NALCN: variants seen among roughly 807,000 people sequenced by gnomAD.
NALCN encodes sodium leak channel, non-selective.
In NALCN, 111 loss-of-function variants were observed where a neutral mutation model predicts 225.3. That is an observed-to-expected ratio of 0.49 (90% confidence interval 0.42 to 0.58). NALCN has a LOEUF of 0.58. NALCN is among the 20% of genes least tolerant of loss of function. The probability of loss-of-function intolerance (pLI) is 0.00; values close to 1 mark genes in which losing one functional copy is unlikely to be tolerated. For missense variants in NALCN, 1,378 were observed against 2,202.4 expected (o/e 0.63, Z 7.49); for synonymous variants, 764 against 769.0 (o/e 0.99, Z 0.11).
In NALCN at chr13:101,292,139, A is replaced by T. The variant is rs371142825; in HGVS notation, c.943-45T>A. The T allele has an allele frequency of 6.2e-7, 1 of 1,612,780 alleles. No homozygotes were observed. The highest frequency in any genetic ancestry group is 1.1e-5 in the South Asian group (1 of 90,944). ...ACATTTACCAAAGTCTAAGAATGAC[A>T]AAGCAGAGGGCAACCAAAACCAAAC... On this transcript the variant is annotated intron_variant, in intron 8 of 43. Transcript: ENST00000251127. The surrounding 1 kb of genome is among the most constrained non-coding windows in gnomAD (Gnocchi z 4.3).
intron 10 of NALCN, among the ~76,000 whole-genome samples, chr13:101,278,219 T>C (rs564901647): frequency 6.6e-6 from 1 of 152,280 alleles, no homozygotes; most frequent in South Asian, 2.1e-4. Context: ...TGTTTTCTCA[T>C]TAACATACAA....
chr13:101,149,750 G>A (rs992899127), intron 15 of NALCN, among the ~76,000 whole-genome samples: 8 of 152,136 alleles, frequency 5.3e-5, no homozygotes, highest in African/African-American at 1.9e-4. Context: ...TGAGTATTTT[G>A]AATCTCATGG....
intron 13 of NALCN, among the ~76,000 whole-genome samples, chr13:101,228,623 C>T (rs1437458461): frequency 6.6e-6 from 1 of 152,170 alleles, no homozygotes; most frequent in Non-Finnish European, 1.5e-5. Context: ...ACTGTGAGGC[C>T]TCTCCAGCCA....
At chr13:101,296,949 C>T (rs2043778394) in intron 7 of NALCN, among the ~76,000 whole-genome samples, 1 of 152,172 alleles carries the variant, frequency 6.6e-6, no homozygotes, top group Admixed American at 6.5e-5. Flanking sequence ...CTACACACTG[C>T]CTGTATTGAG....
intron 42 of NALCN, chr13:101,058,721 C>T (rs371859443): frequency 6.7e-6 from 1 of 148,420 alleles, no homozygotes; most frequent in Non-Finnish European, 1.5e-5. Context: ...ACAGAGGGCT[C>T]TGAAATCATC....
At chr13:101,075,453 C>CAA (rs72275676) in intron 35 of NALCN, among the ~76,000 whole-genome samples, 8 of 103,588 alleles carry the variant, frequency 7.7e-5, no homozygotes, top group East Asian at 3.1e-4. Context: ...GACTCCATCT[C>CAA]AAAAAAAAAA....
rs78312347 is a variant in NALCN at position 101,067,903 on chromosome 13, A to G, written c.4446+15T>C. The G allele has an allele frequency of 9.9e-4, 1,534 of 1,556,642 alleles. 15 individuals are homozygous for G. The African/African-American group carries it at 0.018, about 19-fold the overall frequency. ...TCTTTGAGGTGAGGCATGAAACAACAACCCACTCCCATACCTCTCTTTTAT... is the reference window on the plus strand; with the variant it reads ...TCTTTGAGGTGAGGCATGAAACAACGACCCACTCCCATACCTCTCTTTTAT... On this transcript the variant is annotated intron_variant, in intron 39 of 43. Transcript: ENST00000251127.
chr13:101,152,266 GGT>G (rs2037688282), intron 15 of NALCN, among the ~76,000 whole-genome samples: 1 of 152,120 alleles, frequency 6.6e-6, no homozygotes, highest in South Asian at 2.1e-4. Context: ...TATCCTGGCT[GGT>G]TACTCATTCG....
chr13:101,161,495 T>G (rs913116413), intron 15 of NALCN, among the ~76,000 whole-genome samples: 2 of 152,212 alleles, frequency 1.3e-5, no homozygotes, highest in African/African-American at 4.8e-5. Context: ...CCCTCTTGAT[T>G]TTATTTTCCA....
intron 18 of NALCN, among the ~76,000 whole-genome samples, chr13:101,123,888 A>G (rs1321189431): frequency 1.3e-5 from 2 of 152,212 alleles, no homozygotes; most frequent in Non-Finnish European, 2.9e-5. Context: ...CACTCACCGC[A>G]GGTTTGCAGG....
chr13:101,118,979 T>C (rs2035845501), intron 18 of NALCN, among the ~76,000 whole-genome samples: 1 of 152,188 alleles, frequency 6.6e-6, no homozygotes, highest in Admixed American at 6.5e-5. Flanking sequence ...TAATATGACC[T>C]TATCCAAAGT....
intron 31 of NALCN, 54 bp downstream of exon 31, chr13:101,083,657 G>C (rs1239189285): frequency 1.3e-5 from 20 of 1,530,846 alleles, no homozygotes; most frequent in Non-Finnish European, 1.8e-5. Flanking sequence ...GAGACTCCTG[G>C]GGAATCGTGC....
chr13:101,199,886 G>A (rs978651814), intron 13 of NALCN, among the ~76,000 whole-genome samples: 1 of 152,080 alleles, frequency 6.6e-6, no homozygotes, highest in Non-Finnish European at 1.5e-5. Flanking sequence ...GTCACCAAAA[G>A]AGCCAGAGCA....
intron 7 of NALCN, among the ~76,000 whole-genome samples, chr13:101,309,698 A>G (rs1057005558): frequency 2.0e-5 from 3 of 152,216 alleles, no homozygotes; most frequent in Non-Finnish European, 4.4e-5. Flanking sequence ...CATCTCAGCC[A>G]TTGTTGACTT....
intron 3 of NALCN, among the ~76,000 whole-genome samples, chr13:101,386,948 G>A (rs902022699): frequency 3.3e-5 from 5 of 152,180 alleles, no homozygotes; most frequent in Non-Finnish European, 5.9e-5. Flanking sequence ...TTGGCCAGGC[G>A]CGGTGGCTCA....
In NALCN at chr13:101,292,662, G is replaced by GTA. The variant is rs1360122431; in HGVS notation, c.800-298_800-297dup. 3.3e-5 allele frequency among the ~76,000 whole-genome samples: 5 copies of GTA among 152,220 alleles called. No homozygotes were observed. The South Asian group carries it at 1.0e-3, about 32-fold the overall frequency. On this transcript the variant is annotated intron_variant, in intron 7 of 43. Transcript: ENST00000251127. This position sits in a 1 kb window ranked among gnomAD's most constrained non-coding sequence, Gnocchi z 4.3. ...AAAAGGAAATAAACAGTCAAACCAA[G>GTA]TATATATATGTATAATTAAAAAAAG...
rs756540225 is a variant in NALCN, at chr13:101,089,640, G to C, written c.3489+23C>G. ...TGGCTAGAAAAGGCTAAACCCTGTG[G>C]TATCCAAACCAAAAATCCTTACCTT... is the stretch of plus-strand genomic sequence containing the variant. On this transcript the variant is annotated intron_variant, in intron 30 of 43. Coordinates refer to ENST00000251127, the MANE Select transcript of NALCN (RefSeq NM_052867.4). This position sits in a 1 kb window ranked among gnomAD's most constrained non-coding sequence, Gnocchi z 4.7. 6.2e-7 allele frequency: 1 copy of C among 1,605,806 alleles called. No individual in the cohort carries two copies. The highest frequency in any genetic ancestry group is 8.5e-7 in the Non-Finnish European group (1 of 1,174,120).
chr13:101,345,368 G>C lies in NALCN; in HGVS notation c.697C>G (p.Leu233Val). 1.2e-6 allele frequency: 2 copies of C among 1,613,804 alleles called. No homozygotes were observed. The highest frequency in any genetic ancestry group is 1.1e-5 in the South Asian group (1 of 91,066). Residue 233 changes from leucine (L) to valine (V), a missense_variant, in exon 7 of 44, where the codon CTA (leucine) becomes GTA (valine). Leu to Val is a conservative substitution (Grantham distance 32, BLOSUM62 1). This residue lies in a region of NALCN where 67 missense variants were observed against 82.1 expected (regional missense o/e 0.82). Coordinates refer to ENST00000251127, the MANE Select transcript of NALCN (RefSeq NM_052867.4). Reference protein sequence around the residue: ...AIPDTHCSPELEEGYQCPPGF... With the variant: ...AIPDTHCSPEVEEGYQCPPGF... The stretch of plus-strand genomic sequence containing the variant: ...GGTGGGCACTGGTAGCCTTCTTCTA[G>C]CTCTGGTGAGCAGTGTGTGTCTGGA...
chr13:101,223,148 C>CTCTT (rs1301043813), intron 13 of NALCN, among the ~76,000 whole-genome samples: 1 of 152,124 alleles, frequency 6.6e-6, no homozygotes, highest in Non-Finnish European at 1.5e-5. Context: ...CATTCACAAC[C>CTCTT]TCTTCCATGC....
Sources: allele counts gnomAD v4.1 joint callset (sites outside exome capture counted in the v4.1 genomes callset), GRCh38; gene constraint gnomAD v4.1.1; regional missense constraint gnomAD v4.1.1; non-coding constraint Gnocchi (gnomAD v3.1); transcripts MANE v1.5; gene names NCBI Gene and HGNC (gene_info 2026-07-23, HGNC 2026-07-21).